RAB4A: variants seen among roughly 807,000 people sequenced by gnomAD.
The protein encoded by RAB4A is RAB4A, member RAS oncogene family, also known as ras-related protein Rab-4A.
RAB4A carries 20 observed loss-of-function variants against 34.5 expected under a neutral mutation model. That is an observed-to-expected ratio of 0.58 (90% CI 0.41 to 0.84). RAB4A has a LOEUF of 0.84. Among genes scored for constraint, RAB4A ranks in the 40% least tolerant of loss-of-function variants. RAB4A has a pLI of 0.00. For missense variants in RAB4A, 228 were observed against 274.5 expected, an observed-to-expected ratio of 0.83 and a Z score of 1.20; for synonymous variants, 102 against 100.0, an observed-to-expected ratio of 1.02 and a Z score of -0.12.
At chr1:229,281,845 T>TATCA (rs1553300690) in intron 1 of RAB4A, among the ~76,000 whole-genome samples, 98 of 135,980 alleles carry the variant, frequency 7.2e-4, no homozygotes, top group African/African-American at 2.5e-3. Flanking sequence ...TATATATATA[T>TATCA]ATCATAGTTT....
chr1:229,292,783 C>CT (rs987575097), intron 3 of RAB4A, among the ~76,000 whole-genome samples: 7 of 151,684 alleles, frequency 4.6e-5, no homozygotes, highest in South Asian at 2.1e-4. Flanking sequence ...CCTCTGGTGT[C>CT]TTTTTTTTTC....
chr1:229,295,989 G>T (rs919118843), intron 4 of RAB4A, 79 bp downstream of exon 4: 1 of 1,423,222 alleles, frequency 7.0e-7, no homozygotes, highest in African/African-American at 1.4e-5. Context: ...GGTGCCCTCC[G>T]TGCAGTGTGT....
intron 6 of RAB4A, among the ~76,000 whole-genome samples, chr1:229,302,292 TATATATATATATA>T (rs1558242370): frequency 7.6e-4 from 19 of 24,986 alleles, no homozygotes; most frequent in Non-Finnish European, 1.3e-3. Context: ...TATATATATA[TATATATATATATA>T]TATATTTTTT....
At chr1:229,293,416 C>G (rs1268966780) in intron 3 of RAB4A, among the ~76,000 whole-genome samples, 1 of 152,250 alleles carries the variant, frequency 6.6e-6, no homozygotes, top group South Asian at 2.1e-4. Flanking sequence ...TCCCAAGGCT[C>G]TCTAGCCTGC....
chr1:229,297,403 A>G, intron 4 of RAB4A, 79 bp from the exon 5 acceptor site: 1 of 1,405,270 alleles, frequency 7.1e-7, no homozygotes, highest in East Asian at 2.3e-5. Flanking sequence ...GAAAAGCGGT[A>G]TGAGTAGTGA....
rs569659283 is a variant in RAB4A at position 229,295,422 on chromosome 1, T to C, written c.228-426T>C. 7.2e-5 allele frequency among the ~76,000 whole-genome samples: 11 copies of C among 152,052 alleles called. No individual in the cohort carries two copies. The East Asian group carries it at 2.1e-3, about 30-fold the overall frequency. Reference sequence around the variant, plus strand: ...CCGTGGTGACTATGGATTCCTGTGGTGACTATGGATTCCACCGCGCCGAGA... The same window carrying C: ...CCGTGGTGACTATGGATTCCTGTGGCGACTATGGATTCCACCGCGCCGAGA... On this transcript the variant is annotated intron_variant, in intron 3 of 7. Transcript: ENST00000366690.
intron 1 of RAB4A, among the ~76,000 whole-genome samples, chr1:229,285,103 C>T (rs1656888290): frequency 6.6e-6 from 1 of 152,224 alleles, no homozygotes; most frequent in Non-Finnish European, 1.5e-5. Context: ...CCCCTGGACT[C>T]AGGTGATACA....
chr1:229,284,042 G>A (rs10916460), intron 1 of RAB4A, among the ~76,000 whole-genome samples: 28,271 of 146,922 alleles, frequency 0.19, 2,713 homozygotes, highest in Non-Finnish European at 0.21. Context: ...CGGCCTCAGA[G>A]TCTTTGATAT....
chr1:229,301,615 T>C lies in RAB4A; in HGVS notation c.542-1247T>C, dbSNP rs562972430. On this transcript the variant is annotated intron_variant, in intron 6 of 7. Coordinates refer to ENST00000366690, the MANE Select transcript of RAB4A (RefSeq NM_004578.4). ...ACAACTCATATGCAGTCTTCCAAGA[T>C]GTGTTTTTTTCTGAGATCATCAAAA... is the stretch of plus-strand genomic sequence containing the variant. Among the ~76,000 whole-genome samples the C allele has an allele frequency of 2.1e-4, 32 of 152,276 alleles. 1 individual carries two copies. In the South Asian group the frequency reaches 5.6e-3, roughly 27 times the overall value.
At chr1:229,276,616 CT>C (rs1656656777) in intron 1 of RAB4A, among the ~76,000 whole-genome samples, 2 of 151,256 alleles carry the variant, frequency 1.3e-5, no homozygotes, top group South Asian at 4.2e-4. Flanking sequence ...CTGTGTTTGC[CT>C]AGAAGATAAA....
chr1:229,285,067 C>T (rs551948142), intron 1 of RAB4A, among the ~76,000 whole-genome samples: 15 of 152,296 alleles, frequency 9.8e-5, no homozygotes, highest in South Asian at 8.3e-4. Context: ...TGTGGTGGCA[C>T]GATTCTAACT....
rs1401835911 is a variant in RAB4A at position 229,305,612 on chromosome 1, C to T, written c.*1819C>T. Reference sequence around the variant, plus strand: ...TGTCATGTTTCTATTTCCCGCAACTCATTAAGTTTTCAGGAAGCTCTTAAT... The same window carrying T: ...TGTCATGTTTCTATTTCCCGCAACTTATTAAGTTTTCAGGAAGCTCTTAAT... On this transcript the variant is annotated 3_prime_UTR_variant, in exon 8 of 8. Coordinates refer to ENST00000366690, the MANE Select transcript of RAB4A (RefSeq NM_004578.4). 1 of 191,688 alleles carries T rather than the reference C, an allele frequency of 5.2e-6. No individual in the cohort carries two copies. Among genetic ancestry groups the T allele is most frequent in the African/African-American group, 2.3e-5 (1 of 43,194 alleles). The allele number at this position is 191,688 out of a possible 1,614,324, so 11.9% of individuals were successfully genotyped here. A position where few individuals can be genotyped will look rare whatever the true frequency, so the allele number is the denominator to read the frequency against.
intron 4 of RAB4A, 143 bp from the exon 5 acceptor site, chr1:229,297,339 A>G: frequency 1.4e-6 from 1 of 728,152 alleles, no homozygotes; most frequent in Non-Finnish European, 2.1e-6. Context: ...TACTTGGTGC[A>G]TTCACGTTGT....
At chr1:229,283,297 G>A (rs1218506424) in intron 1 of RAB4A, among the ~76,000 whole-genome samples, 3 of 152,226 alleles carry the variant, frequency 2.0e-5, no homozygotes, top group Non-Finnish European at 4.4e-5. Flanking sequence ...AGAGATGAAA[G>A]CCCTAGCTCC....
chr1:229,289,020 C>T (rs1412877070), intron 3 of RAB4A, 177 bp downstream of exon 3: 1 of 576,784 alleles, frequency 1.7e-6, no homozygotes, highest in African/African-American at 1.9e-5. Flanking sequence ...TAGGTTAGCT[C>T]TCTGCAGCAT....
chr1:229,290,567 CTT>C (rs1657040666), intron 3 of RAB4A, among the ~76,000 whole-genome samples: 1 of 152,210 alleles, frequency 6.6e-6, no homozygotes, highest in Non-Finnish European at 1.5e-5. Flanking sequence ...TTCTTTTAGA[CTT>C]TTTCATTCCT....
chr1:229,290,290 G>A (rs1000583550), intron 3 of RAB4A, among the ~76,000 whole-genome samples: 2 of 152,160 alleles, frequency 1.3e-5, no homozygotes, highest in African/African-American at 2.4e-5. Flanking sequence ...AGGGCATGGG[G>A]TCAGGCCTGA....
At chr1:229,274,539 T>C (rs74142363) in intron 1 of RAB4A, among the ~76,000 whole-genome samples, 6,003 of 152,334 alleles carry the variant, frequency 0.039, 149 homozygotes, top group African/African-American at 0.066. Context: ...AATTGAAATC[T>C]TAGGTTTTGG....
intron 1 of RAB4A, among the ~76,000 whole-genome samples, chr1:229,279,620 T>C (rs1462125527): frequency 6.6e-6 from 1 of 152,232 alleles, no homozygotes; most frequent in Admixed American, 6.5e-5. Context: ...CTTTTTTTCC[T>C]GGTCTTTATT....
Sources: allele counts gnomAD v4.1 joint callset (sites outside exome capture counted in the v4.1 genomes callset), GRCh38; gene constraint gnomAD v4.1.1; transcripts MANE v1.5; gene names NCBI Gene and HGNC (gene_info 2026-07-23, HGNC 2026-07-21).